The following PCNX1 variants were observed in gnomAD, a reference collection of about 807,000 sequenced individuals.
PCNX1 encodes pecanex 1.
In PCNX1, 78 loss-of-function variants were observed where a neutral mutation model predicts 242.2. The ratio of observed to expected loss-of-function variants is 0.32; its 90% CI spans 0.27 to 0.39. PCNX1 has a LOEUF of 0.39. PCNX1 is among the 10% of genes least tolerant of loss of function. The probability of loss-of-function intolerance (pLI) is 1.00; values close to 1 mark genes in which losing one functional copy is unlikely to be tolerated. For missense variants in PCNX1, 2,581 were observed against 2,856.5 expected, an observed-to-expected ratio of 0.90 and a Z score of 2.20; for synonymous variants, 1,024 against 1,032.9, an observed-to-expected ratio of 0.99 and a Z score of 0.17.
intron 26 of PCNX1, chr14:71,060,522 A>C (rs2061301096): frequency 6.6e-6 from 1 of 152,136 alleles, no homozygotes; most frequent in Non-Finnish European, 1.5e-5. Context: ...TGGCCCCTAC[A>C]TGTGCAAAAT....
At chr14:71,080,405 A>T (rs2061824655) in intron 28 of PCNX1, among the ~76,000 whole-genome samples, 2 of 152,102 alleles carry the variant, frequency 1.3e-5, no homozygotes, top group Non-Finnish European at 2.9e-5. Context: ...TCTAATTCTT[A>T]GAAGCAAGTC....
In PCNX1 at chr14:71,108,884, C is replaced by A. The variant is rs199682366; in HGVS notation, c.6582C>A (p.Ser2194Arg). ...ACVQHGLPSS[S>R]SSSQSIPACK... Reference sequence around the variant, plus strand: ...TGCAGCACGGCCTGCCTTCCTCCAGCAGCTCCAGCCAAAGCATCCCAGCCT... The same window carrying A: ...TGCAGCACGGCCTGCCTTCCTCCAGAAGCTCCAGCCAAAGCATCCCAGCCT... The change falls in exon 34 of 36, where the codon AGC becomes AGA. Residue 2194 changes from serine (S) to arginine (R), a missense_variant. Physicochemically the swap from Ser to Arg is moderately radical, Grantham distance 110. Coordinates refer to ENST00000304743, the MANE Select transcript of PCNX1 (RefSeq NM_014982.3). The A allele has an allele frequency of 1.2e-6, 2 of 1,614,246 alleles. No homozygotes were observed. The highest frequency in any genetic ancestry group is 8.5e-7 in the Non-Finnish European group (1 of 1,180,042).
intron 7 of PCNX1, among the ~76,000 whole-genome samples, chr14:70,991,268 G>A (rs2059157645): frequency 6.7e-6 from 1 of 148,912 alleles, no homozygotes. Context: ...GCAGTGGCGC[G>A]ATCTCGGCTC....
chr14:71,093,518 A>C (rs1408090683), intron 30 of PCNX1: 1 of 152,242 alleles, frequency 6.6e-6, no homozygotes, highest in Non-Finnish European at 1.5e-5. Flanking sequence ...TGGCAGAGTG[A>C]TTGGGATTAT....
intron 10 of PCNX1, 109 bp from the exon 11 acceptor site, chr14:71,012,876 G>A: frequency 1.3e-6 from 1 of 748,096 alleles, no homozygotes; most frequent in Non-Finnish European, 2.3e-6. Context: ...TTAGATAACT[G>A]ATAAGCTAAT....
chr14:70,939,722 G>A (rs2057157066), intron 1 of PCNX1, among the ~76,000 whole-genome samples: 1 of 152,212 alleles, frequency 6.6e-6, no homozygotes, highest in Non-Finnish European at 1.5e-5. Flanking sequence ...GTCTAATGTT[G>A]ACAGTGGGGT....
chr14:71,055,639 CTTG>C, intron 25 of PCNX1, 77 bp downstream of exon 25: 1 of 824,782 alleles, frequency 1.2e-6, no homozygotes, highest in Non-Finnish European at 2.0e-6. Flanking sequence ...TCACTCCTAA[CTTG>C]TTGGGAATCC....
intron 2 of PCNX1, among the ~76,000 whole-genome samples, chr14:70,949,177 CATCTCAGCATTTACTCATAGTGTGT>C (rs1555345793): frequency 1.0e-4 from 14 of 135,508 alleles, no homozygotes; most frequent in South Asian, 4.7e-4. Flanking sequence ...AATGCTTATA[CATCTCAGCATTTACTCATAGTGTGT>C]ATATACACAT....
chr14:71,109,467 CA>C lies in PCNX1; in HGVS notation c.6763del (p.Ile2255PhefsTer22). The C allele has an allele frequency of 6.2e-7, 1 of 1,612,050 alleles. No individual in the cohort carries two copies. Among genetic ancestry groups the C allele is most frequent in the Non-Finnish European group, 8.5e-7 (1 of 1,178,882 alleles). On this transcript the variant is annotated frameshift_variant, in exon 35 of 36. Transcript: ENST00000304743. LOFTEE classifies it high-confidence loss of function. Reference protein sequence around the residue: ...IYRVQIVDPSQILEGINLSKR... With the variant: ...IYRVQIVDPSXILEGINLSKR... ...TACCATGTAGATTGTGGATCCCAGT[CA>C]AATTCTGGAAGGGATCAACCTGTCT... is the stretch of plus-strand genomic sequence containing the variant.
chr14:71,075,055 C>T (rs1263383465), intron 27 of PCNX1, among the ~76,000 whole-genome samples: 1 of 139,766 alleles, frequency 7.2e-6, no homozygotes, highest in African/African-American at 2.7e-5. Flanking sequence ...ACTACAGTGG[C>T]ATGATCGTAG....
chr14:70,973,035 G>A (rs12890997), intron 5 of PCNX1, among the ~76,000 whole-genome samples: 4 of 152,096 alleles, frequency 2.6e-5, no homozygotes, highest in African/African-American at 9.7e-5. Flanking sequence ...GAGTATGGCT[G>A]GAGGCCAGGA....
At chr14:70,987,981 A>C (rs2059048760) in intron 6 of PCNX1, among the ~76,000 whole-genome samples, 1 of 152,196 alleles carries the variant, frequency 6.6e-6, no homozygotes, top group Non-Finnish European at 1.5e-5. Flanking sequence ...CTTTAGAGTA[A>C]AATATATTCA....
intron 8 of PCNX1, among the ~76,000 whole-genome samples, chr14:70,996,574 T>C (rs1458631497): frequency 1.3e-5 from 2 of 152,310 alleles, no homozygotes; most frequent in East Asian, 1.9e-4. Flanking sequence ...TACTCAGATA[T>C]CTGTCTTATG....
intron 17 of PCNX1, among the ~76,000 whole-genome samples, 175 bp from the exon 18 acceptor site, chr14:71,033,756 A>G (rs1276436360): frequency 1.3e-5 from 2 of 152,198 alleles, no homozygotes; most frequent in African/African-American, 4.8e-5. Flanking sequence ...GTTTTAATAA[A>G]AATATTTTCA....
intron 6 of PCNX1, among the ~76,000 whole-genome samples, chr14:70,983,300 AG>A (rs2058897089): frequency 2.0e-5 from 3 of 152,044 alleles, no homozygotes; most frequent in African/African-American, 7.2e-5. Flanking sequence ...CGCAAAGCTC[AG>A]CTAATAATTT....
Position 71,026,833 on chromosome 14 carries a change from T to G in PCNX1, c.3417T>G (p.Phe1139Leu). The G allele has an allele frequency of 6.3e-7, 1 of 1,584,654 alleles. No homozygotes were observed. Among genetic ancestry groups the G allele is most frequent in the South Asian group, 1.1e-5 (1 of 90,024 alleles). Residue 1139 changes from phenylalanine to leucine, a missense_variant, in exon 15 of 36, where the codon TTT becomes TTG. This residue lies in a region of PCNX1 where 432 missense variants were observed against 443.1 expected (regional missense o/e 0.97). Coordinates refer to ENST00000304743, the MANE Select transcript of PCNX1 (RefSeq NM_014982.3). ...FIGLLPQVNTFVMYLCEQLDI... is the reference protein window; with the variant it reads ...FIGLLPQVNTLVMYLCEQLDI... ...GTCTCCTGCCTCAGGTGAATACATTTGTAATGTACCTTTGTGAACAATTGG... is the reference window on the plus strand; with the variant it reads ...GTCTCCTGCCTCAGGTGAATACATTGGTAATGTACCTTTGTGAACAATTGG...
chr14:70,911,709 A>T (rs767909122), intron 1 of PCNX1, among the ~76,000 whole-genome samples: 4 of 152,128 alleles, frequency 2.6e-5, no homozygotes, highest in Non-Finnish European at 5.9e-5. Flanking sequence ...CATTTGTGAG[A>T]TATTTCATGG....
At chr14:70,952,505 C>G (rs745347145) in intron 2 of PCNX1, among the ~76,000 whole-genome samples, 7 of 151,974 alleles carry the variant, frequency 4.6e-5, no homozygotes, top group Non-Finnish European at 1.0e-4. Context: ...GTAGATATTC[C>G]TGAATATATT....
At chr14:70,960,546 C>A in intron 2 of PCNX1, among the ~76,000 whole-genome samples, 1 of 151,954 alleles carries the variant, frequency 6.6e-6, no homozygotes, top group Non-Finnish European at 1.5e-5. Flanking sequence ...TATGACAAAC[C>A]CACAGCCAAT....
Sources: gnomAD v4.1 joint callset for allele counts (sites outside exome capture counted in the v4.1 genomes callset) on GRCh38, gnomAD v4.1.1 for gene constraint, gnomAD v4.1.1 regional missense constraint, MANE v1.5 for transcripts, NCBI Gene and HGNC (gene_info 2026-07-23, HGNC 2026-07-21) for gene names.